The following PPAT variants were observed in gnomAD, a reference collection of about 807,000 sequenced individuals.
PPAT encodes the protein phosphoribosyl pyrophosphate amidotransferase, also known as amidophosphoribosyltransferase.
In PPAT, 20 loss-of-function variants were observed where a neutral mutation model predicts 60.2. The observed-to-expected ratio is 0.33, with a 90% CI of 0.23 to 0.48. PPAT has a LOEUF of 0.48. PPAT is among the 20% of genes least tolerant of loss of function. The pLI is 0.99. For missense variants in PPAT, 349 were observed against 629.6 expected (o/e 0.55, Z 4.77); for synonymous variants, 194 against 215.1 (o/e 0.90, Z 0.86).
At chr4:56,416,048 C>T (rs892351763) in intron 1 of PPAT, among the ~76,000 whole-genome samples, 8 of 139,098 alleles carry the variant, frequency 5.8e-5, no homozygotes, top group Non-Finnish European at 9.2e-5. Context: ...CCAGCCTGGG[C>T]GACAGAGTAA....
intron 3 of PPAT, among the ~76,000 whole-genome samples, chr4:56,404,452 T>C (rs1055318868): frequency 6.6e-6 from 1 of 152,194 alleles, no homozygotes; most frequent in Admixed American, 6.5e-5. Flanking sequence ...GTGTACTCTA[T>C]GATAATTACA....
At chr4:56,409,623 C>CT (rs1406767902) in intron 1 of PPAT, among the ~76,000 whole-genome samples, 5 of 152,304 alleles carry the variant, frequency 3.3e-5, no homozygotes, top group African/African-American at 9.6e-5. Flanking sequence ...CTAAGAGCAT[C>CT]CATACCACTG....
At chr4:56,432,541 A>AAG (rs1717644150) in intron 1 of PPAT, among the ~76,000 whole-genome samples, 2 of 150,886 alleles carry the variant, frequency 1.3e-5, no homozygotes, top group African/African-American at 4.9e-5. Context: ...AAAAAAAAAA[A>AAG]AAGGGAGGCC....
At chr4:56,397,699 A>G (rs1384015237) in intron 9 of PPAT, among the ~76,000 whole-genome samples, 2 of 152,166 alleles carry the variant, frequency 1.3e-5, no homozygotes, top group Non-Finnish European at 2.9e-5. Context: ...CAATAAATAT[A>G]TACATTTGTC....
At chr4:56,407,612 T>C (rs1441277241) in intron 2 of PPAT, 38 bp downstream of exon 2, 2 of 1,520,378 alleles carry the variant, frequency 1.3e-6, no homozygotes, top group African/African-American at 2.7e-5. Flanking sequence ...ACCACCGCAC[T>C]TGGTCTGTCA....
At chr4:56,402,309 G>A (rs1716131752) in intron 5 of PPAT, 128 bp from the exon 6 acceptor site, 2 of 546,458 alleles carry the variant, frequency 3.7e-6, no homozygotes, top group Non-Finnish European at 6.2e-6. Context: ...GACTTTAAGA[G>A]CACATGGATC....
intron 10 of PPAT, 142 bp from the exon 11 acceptor site, chr4:56,395,690 G>GA (rs1036369993): frequency 2.9e-4 from 151 of 519,192 alleles, no homozygotes; most frequent in African/African-American, 1.8e-3. Flanking sequence ...AAAAAAAAAG[G>GA]AAAAAAAATC....
chr4:56,428,109 CAA>C (rs1427888246), intron 1 of PPAT, among the ~76,000 whole-genome samples: 1 of 152,116 alleles, frequency 6.6e-6, no homozygotes, highest in African/African-American at 2.4e-5. Context: ...AATATGGACA[CAA>C]AATTTCTTTT....
chr4:56,406,144 T>C (rs1022156910), intron 3 of PPAT, among the ~76,000 whole-genome samples: 4 of 152,222 alleles, frequency 2.6e-5, no homozygotes, highest in Admixed American at 2.6e-4. Context: ...TGATTTTTCT[T>C]ATCTCATACA....
In PPAT at chr4:56,400,919, G is replaced by T; in HGVS notation, c.887-8C>A. The T allele has an allele frequency of 6.2e-7, 1 of 1,606,834 alleles. No homozygotes were observed. Among genetic ancestry groups the T allele is most frequent in the Non-Finnish European group, 8.5e-7 (1 of 1,173,978 alleles). ...CTGTATAAACCATTTGGTCTGGTGTGTTTGGAAAAGGAGAGAGAGTATTTT... is the reference window on the plus strand; with the variant it reads ...CTGTATAAACCATTTGGTCTGGTGTTTTTGGAAAAGGAGAGAGAGTATTTT... On this transcript the variant is annotated splice_polypyrimidine_tract_variant and splice_region_variant and intron_variant, in intron 7 of 10. Coordinates refer to ENST00000264220, the MANE Select transcript of PPAT (RefSeq NM_002703.5).
intron 1 of PPAT, among the ~76,000 whole-genome samples, chr4:56,429,776 C>T (rs1717485718): frequency 6.6e-6 from 1 of 152,158 alleles, no homozygotes; most frequent in African/African-American, 2.4e-5. Flanking sequence ...TAAAAGCCTC[C>T]CAGTCATTAA....
At chr4:56,399,932 C>G (rs932660634) in intron 8 of PPAT, 1 of 152,390 alleles carries the variant, frequency 6.6e-6, no homozygotes, top group African/African-American at 2.4e-5. Context: ...GAAAATAAAG[C>G]GTAACACTGA....
chr4:56,408,910 G>A (rs973623599), intron 1 of PPAT, among the ~76,000 whole-genome samples: 3 of 152,044 alleles, frequency 2.0e-5, no homozygotes, highest in Non-Finnish European at 2.9e-5. Context: ...GTAACTGGGC[G>A]CGCTAACCTT....
intron 1 of PPAT, chr4:56,410,915 A>G (rs1241555724): frequency 4.1e-6 from 4 of 978,932 alleles, no homozygotes; most frequent in Non-Finnish European, 4.9e-6. Context: ...AAAAAAAAAA[A>G]AAAAAAAAAA....
At chr4:56,424,187 C>T (rs536758061) in intron 1 of PPAT, among the ~76,000 whole-genome samples, 31 of 152,180 alleles carry the variant, frequency 2.0e-4, no homozygotes, top group Non-Finnish European at 3.7e-4. Context: ...TCTTTCCTAT[C>T]TTAAATGTAT....
chr4:56,417,091 C>T (rs1291463174), intron 1 of PPAT, among the ~76,000 whole-genome samples: 1 of 152,174 alleles, frequency 6.6e-6, no homozygotes, highest in Non-Finnish European at 1.5e-5. Flanking sequence ...TCTGGTGATC[C>T]ACCCGCCTCG....
chr4:56,402,795 G>A (rs1716144541), intron 5 of PPAT, among the ~76,000 whole-genome samples: 1 of 130,430 alleles, frequency 7.7e-6, no homozygotes, highest in Admixed American at 8.7e-5. Flanking sequence ...CAGCAGCCTG[G>A]GCAACAAGAG....
intron 8 of PPAT, 126 bp from the exon 9 acceptor site, chr4:56,399,526 A>G: frequency 1.3e-6 from 1 of 754,626 alleles, no homozygotes. Flanking sequence ...TATTATTTGG[A>G]AAAAAGGCAA....
intron 1 of PPAT, among the ~76,000 whole-genome samples, chr4:56,417,842 G>GTTTTTT (rs35004501): frequency 1.5e-5 from 2 of 136,168 alleles, no homozygotes; most frequent in African/African-American, 2.7e-5. Flanking sequence ...TTGGTTTTTT[G>GTTTTTT]TTTTTTTTTT....
Sources: allele counts gnomAD v4.1 joint callset (sites outside exome capture counted in the v4.1 genomes callset), GRCh38; gene constraint gnomAD v4.1.1; transcripts MANE v1.5; gene names NCBI Gene and HGNC (gene_info 2026-07-23, HGNC 2026-07-21).